Variants in LHFPL6 observed in about 807,000 individuals in gnomAD.
LHFPL6 encodes LHFPL tetraspan subfamily member 6 protein.
Under a neutral mutation model 20.6 loss-of-function variants are expected in LHFPL6, and 9 were observed. The observed-to-expected ratio is 0.44, with a 90% CI of 0.26 to 0.76. The LOEUF (loss-of-function observed/expected upper bound fraction) is 0.76, where lower values mean the gene tolerates loss of function less well. Ranked by LOEUF, LHFPL6 falls within the 30% of genes least tolerant of loss-of-function variation. LHFPL6 has a pLI of 0.20. For missense variants in LHFPL6, 218 were observed against 253.5 expected (o/e 0.86, Z 0.95); for synonymous variants, 105 against 98.7 (o/e 1.06, Z -0.38).
chr13:39,482,902 G>A (rs1868579669), intron 2 of LHFPL6, among the ~76,000 whole-genome samples: 1 of 152,210 alleles, frequency 6.6e-6, no homozygotes, highest in Admixed American at 6.5e-5. Flanking sequence ...GCCCTTCACT[G>A]TTGTAGCACA....
rs575557218 is a variant in LHFPL6 at position 39,431,721 on chromosome 13, G to T, written c.386-53195C>A. Among the ~76,000 whole-genome samples, 204 of 147,708 alleles carry T rather than the reference G, an allele frequency of 1.4e-3. 7 individuals are homozygous for T. The highest frequency in any genetic ancestry group is 4.7e-3 in the African/African-American group (188 of 39,628). On this transcript the variant is annotated intron_variant, in intron 2 of 3. Coordinates refer to ENST00000379589, the MANE Select transcript of LHFPL6 (RefSeq NM_005780.3). ...CCAAAAGCCCTGTAGAATTTGTGGG[G>T]GGGGGGGGCTTCCTCTCATATTCCA...
At chr13:39,574,135 C>T (rs1427817866) in intron 2 of LHFPL6, among the ~76,000 whole-genome samples, 1 of 152,148 alleles carries the variant, frequency 6.6e-6, no homozygotes, top group Non-Finnish European at 1.5e-5. Context: ...CTCTAAACCT[C>T]GGCTTTCACA....
intron 2 of LHFPL6, among the ~76,000 whole-genome samples, chr13:39,597,285 T>A (rs551985220): frequency 6.6e-6 from 1 of 152,364 alleles, no homozygotes; most frequent in Non-Finnish European, 1.5e-5. Flanking sequence ...GATTCTGACA[T>A]TTGCAAGCAC....
intron 2 of LHFPL6, among the ~76,000 whole-genome samples, chr13:39,430,816 G>C (rs1490474824): frequency 6.6e-6 from 1 of 152,186 alleles, no homozygotes; most frequent in African/African-American, 2.4e-5. Flanking sequence ...TCAGCACTCT[G>C]TAAAATGGAC....
chr13:39,373,885 C>T lies in LHFPL6; in HGVS notation c.484+4543G>A, dbSNP rs1205607652. The stretch of plus-strand genomic sequence containing the variant: ...AAAGTCAGAAAACAACAGATGCTGG[C>T]GAGGCTATGGAGAAAAATGAATGCT... On this transcript the variant is annotated intron_variant, in intron 3 of 3. Coordinates refer to ENST00000379589, the MANE Select transcript of LHFPL6 (RefSeq NM_005780.3). 5.9e-5 allele frequency among the ~76,000 whole-genome samples: 9 copies of T among 152,028 alleles called. No homozygotes were observed. In the South Asian group the frequency reaches 1.0e-3, roughly 18 times the overall value.
rs57418375 is a variant in LHFPL6 at position 39,464,700 on chromosome 13, C to CTT, written c.386-86176_386-86175dup. On this transcript the variant is annotated intron_variant, in intron 2 of 3. Coordinates refer to ENST00000379589, the MANE Select transcript of LHFPL6 (RefSeq NM_005780.3). ...TAACTATTGGGGGAAAAAGCACAGT[C>CTT]TTTTTTTTTTTTTTTTGTCTGACCT... Among the ~76,000 whole-genome samples, 430 of 137,886 alleles carry CTT rather than the reference C, an allele frequency of 3.1e-3. 4 individuals are homozygous for CTT. Among genetic ancestry groups the CTT allele is most frequent in the African/African-American group, 3.7e-3 (140 of 38,192 alleles). The allele number at this position is 137,886 out of a possible 152,430, so 90.5% of individuals were successfully genotyped here.
chr13:39,417,310 C>T (rs1305881440), intron 2 of LHFPL6, among the ~76,000 whole-genome samples: 1 of 152,194 alleles, frequency 6.6e-6, no homozygotes, highest in Non-Finnish European at 1.5e-5. Context: ...GACTTGGGTG[C>T]CCCCAGAGGC....
intron 2 of LHFPL6, among the ~76,000 whole-genome samples, chr13:39,578,729 C>T (rs1253301698): frequency 1.3e-5 from 2 of 152,106 alleles, no homozygotes; most frequent in Admixed American, 1.3e-4. Flanking sequence ...AGGCCACAGT[C>T]GGGGGCCAGG....
intron 2 of LHFPL6, among the ~76,000 whole-genome samples, chr13:39,596,384 C>G (rs951205050): frequency 6.6e-6 from 1 of 152,138 alleles, no homozygotes; most frequent in Admixed American, 6.5e-5. Flanking sequence ...TAACTCAGAA[C>G]ATGGTTTTCA....
In LHFPL6 at chr13:39,468,141, G is replaced by A. The variant is rs142018805; in HGVS notation, c.386-89615C>T. Among the ~76,000 whole-genome samples the A allele has an allele frequency of 1.4e-4, 21 of 152,134 alleles. No individual in the cohort carries two copies. In the East Asian group the frequency reaches 2.3e-3, roughly 17 times the overall value. ...CCACTCCACTGCTATCTTTTTCACC[G>A]ATCTACATAAACTCAAGTCTTCACA... On this transcript the variant is annotated intron_variant, in intron 2 of 3. Transcript: ENST00000379589.
chr13:39,528,468 G>T (rs941760111), intron 2 of LHFPL6, among the ~76,000 whole-genome samples: 3 of 152,200 alleles, frequency 2.0e-5, no homozygotes, highest in African/African-American at 4.8e-5. Flanking sequence ...AAGCTCAGCA[G>T]CATCCCAAAG....
intron 2 of LHFPL6, among the ~76,000 whole-genome samples, chr13:39,427,210 C>T (rs946262579): frequency 9.2e-5 from 14 of 152,140 alleles, no homozygotes; most frequent in African/African-American, 1.9e-4. Context: ...GTTTCCTATA[C>T]GGACGAACAT....
chr13:39,453,559 T>G (rs1872502504), intron 2 of LHFPL6, among the ~76,000 whole-genome samples: 1 of 152,246 alleles, frequency 6.6e-6, no homozygotes, highest in Non-Finnish European at 1.5e-5. Flanking sequence ...ATTAAAATAT[T>G]CAACATTGGC....
In LHFPL6 at chr13:39,343,415, G is replaced by A. The variant is rs147754128; in HGVS notation, c.*521C>T. On this transcript the variant is annotated 3_prime_UTR_variant, in exon 4 of 4. Coordinates refer to ENST00000379589, the MANE Select transcript of LHFPL6 (RefSeq NM_005780.3). Reference sequence around the variant, plus strand: ...CGATAATCCACGTTTGTGCATAGGCGTGTGTGGGGATGCATATGTCTGTAT... The same window carrying A: ...CGATAATCCACGTTTGTGCATAGGCATGTGTGGGGATGCATATGTCTGTAT... 182 of 232,238 alleles carry A rather than the reference G, an allele frequency of 7.8e-4. 1 individual carries two copies. The highest frequency in any genetic ancestry group is 6.5e-3 in the East Asian group (106 of 16,366). The allele number at this position is 232,238 out of a possible 1,614,324, so 14.4% of individuals were successfully genotyped here. A position where few individuals can be genotyped will look rare whatever the true frequency, so the allele number is the denominator to read the frequency against.
At chr13:39,537,133 T>C (rs1870645804) in intron 2 of LHFPL6, among the ~76,000 whole-genome samples, 1 of 152,204 alleles carries the variant, frequency 6.6e-6, no homozygotes, top group Non-Finnish European at 1.5e-5. Flanking sequence ...GTTTGCAGTG[T>C]CTTCCTGCCT....
chr13:39,556,785 A>G (rs1175491957), intron 2 of LHFPL6, among the ~76,000 whole-genome samples: 1 of 152,036 alleles, frequency 6.6e-6, no homozygotes, highest in Non-Finnish European at 1.5e-5. Context: ...CAACATAGTG[A>G]CACTCCATCT....
intron 2 of LHFPL6, among the ~76,000 whole-genome samples, chr13:39,474,695 A>G (rs961823624): frequency 1.3e-5 from 2 of 151,874 alleles, no homozygotes; most frequent in Admixed American, 1.3e-4. Flanking sequence ...TTTTTTTTTA[A>G]TAAGGCCTTG....
At chr13:39,536,129 G>C (rs1870610767) in intron 2 of LHFPL6, among the ~76,000 whole-genome samples, 2 of 152,144 alleles carry the variant, frequency 1.3e-5, no homozygotes, top group South Asian at 4.1e-4. Flanking sequence ...GCAGCAAGTA[G>C]TAAGCTTTCA....
chr13:39,528,701 C>T (rs942883743), intron 2 of LHFPL6, among the ~76,000 whole-genome samples: 1 of 152,228 alleles, frequency 6.6e-6, no homozygotes, highest in African/African-American at 2.4e-5. Flanking sequence ...GCTTCCCGCA[C>T]ATCTGGGCTA....
Sources: gnomAD v4.1 joint callset for allele counts (sites outside exome capture counted in the v4.1 genomes callset) on GRCh38, gnomAD v4.1.1 for gene constraint, MANE v1.5 for transcripts, NCBI Gene and HGNC (gene_info 2026-07-23, HGNC 2026-07-21) for gene names.